PTPN14: variants seen among roughly 807,000 people sequenced by gnomAD.
The protein encoded by PTPN14 is tyrosine-protein phosphatase non-receptor type 14.
PTPN14 carries 53 observed loss-of-function variants against 126.8 expected under a neutral mutation model. The ratio of observed to expected loss-of-function variants is 0.42; its 90% CI spans 0.34 to 0.53. The LOEUF is 0.53. Among genes scored for constraint, PTPN14 ranks in the 20% least tolerant of loss-of-function variants. The pLI, the probability that PTPN14 is intolerant of heterozygous loss-of-function variation, is 0.08. For missense variants in PTPN14, 1,257 were observed against 1,552.9 expected, an observed-to-expected ratio of 0.81 and a Z score of 3.20; for synonymous variants, 630 against 599.3, an observed-to-expected ratio of 1.05 and a Z score of -0.75.
At chr1:214,441,575 CAA>C (rs1453773186) in intron 3 of PTPN14, among the ~76,000 whole-genome samples, 1 of 152,216 alleles carries the variant, frequency 6.6e-6, no homozygotes, top group Non-Finnish European at 1.5e-5. Flanking sequence ...CTTCCAACGT[CAA>C]GATTTTTTTT....
At position 214,477,157 on chromosome 1, in the gene PTPN14, G is replaced by A. The variant is rs1391092055; in HGVS notation, c.-154-12200C>T. ...AATCAGTACAACCAAGTGGATTCTA[G>A]TGTATAACGCAATCACTTCTCCAGA... is the stretch of plus-strand genomic sequence containing the variant. On this transcript the variant is annotated intron_variant, in intron 1 of 18. Coordinates refer to ENST00000366956, the MANE Select transcript of PTPN14 (RefSeq NM_005401.5). 4.6e-5 allele frequency among the ~76,000 whole-genome samples: 7 copies of A among 152,314 alleles called. No homozygotes were observed. The East Asian group carries it at 1.4e-3, about 29-fold the overall frequency.
intron 3 of PTPN14, among the ~76,000 whole-genome samples, chr1:214,442,820 C>CTTTTTTTTTTTTT (rs61357323): frequency 7.1e-6 from 1 of 140,140 alleles, no homozygotes. Context: ...GCATAGCTTT[C>CTTTTTTTTTTTTT]TTTTTTTTTT....
At chr1:214,424,492 C>T (rs1313126523) in intron 3 of PTPN14, among the ~76,000 whole-genome samples, 1 of 151,564 alleles carries the variant, frequency 6.6e-6, no homozygotes, top group Non-Finnish European at 1.5e-5. Flanking sequence ...ATAGCATGGA[C>T]CTGTGGTGAG....
At position 214,478,212 on chromosome 1, in the gene PTPN14, A is replaced by G. The variant is rs1571607622; in HGVS notation, c.-154-13255T>C. On this transcript the variant is annotated intron_variant, in intron 1 of 18. Transcript: ENST00000366956. ...ACGTCATTTGTAGTAGAGGGTGGCA[A>G]TTTGTAACAACCTGAGTATCCATAA... 2.0e-5 allele frequency among the ~76,000 whole-genome samples: 3 copies of G among 152,314 alleles called. No individual in the cohort carries two copies. In the South Asian group the frequency reaches 6.2e-4, roughly 32 times the overall value.
intron 2 of PTPN14, among the ~76,000 whole-genome samples, chr1:214,454,326 T>C (rs1334273880): frequency 6.6e-6 from 1 of 152,172 alleles, no homozygotes; most frequent in Admixed American, 6.5e-5. Context: ...ATTCAAATTA[T>C]AGAGGGCCAC....
chr1:214,468,729 A>G (rs1235834650), intron 1 of PTPN14, among the ~76,000 whole-genome samples: 1 of 152,172 alleles, frequency 6.6e-6, no homozygotes, highest in Non-Finnish European at 1.5e-5. Flanking sequence ...AAAAGTTTTC[A>G]TAATCAAAAG....
chr1:214,442,227 G>A (rs1203703537), intron 3 of PTPN14, among the ~76,000 whole-genome samples: 3 of 152,068 alleles, frequency 2.0e-5, no homozygotes, highest in Non-Finnish European at 4.4e-5. Context: ...AAGTGTTTGG[G>A]ATTTCAGATT....
intron 1 of PTPN14, among the ~76,000 whole-genome samples, chr1:214,517,062 T>C (rs941447618): frequency 6.6e-6 from 1 of 152,068 alleles, no homozygotes; most frequent in Admixed American, 6.6e-5. Flanking sequence ...CCCAGCTATC[T>C]CCTCCGCTCC....
chr1:214,465,290 T>C (rs1019308228), intron 1 of PTPN14, among the ~76,000 whole-genome samples: 1 of 152,184 alleles, frequency 6.6e-6, no homozygotes, highest in African/African-American at 2.4e-5. Context: ...CATGCGTTTT[T>C]CACTATGCAA....
chr1:214,405,662 G>A (rs1387576264), intron 5 of PTPN14, among the ~76,000 whole-genome samples: 6 of 149,314 alleles, frequency 4.0e-5, no homozygotes, highest in African/African-American at 7.4e-5. Flanking sequence ...ACTCTTCAAC[G>A]GTCTTATATT....
chr1:214,369,916 C>T lies in PTPN14; in HGVS notation c.3037-225G>A, dbSNP rs181832198. On this transcript the variant is annotated intron_variant, in intron 16 of 18. Transcript: ENST00000366956. ...ATGGAAAATTTAAAAGATTCACAAC[C>T]GAGGTGCAGTAGAATGTTAGAGAGA... is the stretch of plus-strand genomic sequence containing the variant. 4.1e-4 allele frequency among the ~76,000 whole-genome samples: 63 copies of T among 152,270 alleles called. 1 individual carries two copies. The South Asian group carries it at 0.012, about 29-fold the overall frequency.
chr1:214,475,479 C>T (rs1230245394), intron 1 of PTPN14, among the ~76,000 whole-genome samples: 7 of 152,238 alleles, frequency 4.6e-5, no homozygotes, highest in African/African-American at 1.7e-4. Flanking sequence ...CTCTGGTTTA[C>T]TCTCAAATGA....
chr1:214,455,985 A>T (rs968539832), intron 2 of PTPN14, among the ~76,000 whole-genome samples: 10 of 152,176 alleles, frequency 6.6e-5, no homozygotes, highest in Admixed American at 1.3e-4. Context: ...AATCTATTAA[A>T]AAGTAGTTTG....
At chr1:214,493,867 A>G (rs1009702512) in intron 1 of PTPN14, among the ~76,000 whole-genome samples, 1 of 152,242 alleles carries the variant, frequency 6.6e-6, no homozygotes, top group Non-Finnish European at 1.5e-5. Context: ...AGTAAGAACA[A>G]CTTCTGCACC....
chr1:214,358,098 C>CT lies in PTPN14; in HGVS notation c.3436-49dup, dbSNP rs148368283. 4,031 of 1,598,472 alleles carry CT rather than the reference C, an allele frequency of 2.5e-3. 99 individuals carry two copies. In the African/African-American group the frequency reaches 0.048, roughly 19 times the overall value. ...CAAGGTCCTGAGACAGGAGGCTTCC[C>CT]TTTGAGCATTCCTCATTCCCTCATT... On this transcript the variant is annotated intron_variant, in intron 18 of 18. Transcript: ENST00000366956.
chr1:214,419,213 T>C (rs994286791), intron 3 of PTPN14, among the ~76,000 whole-genome samples: 7 of 152,182 alleles, frequency 4.6e-5, no homozygotes, highest in African/African-American at 1.4e-4. Flanking sequence ...TCTTTCCTAA[T>C]TTGAAAAACA....
chr1:214,519,309 AC>A (rs1403639346), intron 1 of PTPN14, among the ~76,000 whole-genome samples: 1 of 152,122 alleles, frequency 6.6e-6, no homozygotes, highest in Non-Finnish European at 1.5e-5. Flanking sequence ...AGAGGGAAGC[AC>A]CTTTATACAG....
intron 1 of PTPN14, among the ~76,000 whole-genome samples, chr1:214,500,627 G>A (rs1177945598): frequency 6.6e-6 from 1 of 152,080 alleles, no homozygotes; most frequent in Admixed American, 6.6e-5. Context: ...CTGAGGGACA[G>A]ACAGAAACAA....
intron 1 of PTPN14, among the ~76,000 whole-genome samples, chr1:214,543,826 G>A (rs960355743): frequency 2.6e-5 from 4 of 152,032 alleles, no homozygotes; most frequent in Non-Finnish European, 5.9e-5. Context: ...TTACTATGTT[G>A]GCCAGGATGG....
Sources: gnomAD v4.1 joint callset for allele counts (sites outside exome capture counted in the v4.1 genomes callset) on GRCh38, gnomAD v4.1.1 for gene constraint, MANE v1.5 for transcripts, NCBI Gene and HGNC (gene_info 2026-07-23, HGNC 2026-07-21) for gene names.